SNAP25: variants seen among roughly 807,000 people sequenced by gnomAD.
SNAP25 encodes synaptosome associated protein 25.
In SNAP25, 3 loss-of-function variants were observed where a neutral mutation model predicts 28.7. The observed-to-expected ratio is 0.10, with a 90% CI of 0.05 to 0.27. The LOEUF (loss-of-function observed/expected upper bound fraction) is 0.27, where lower values mean the gene tolerates loss of function less well. Ranked by LOEUF, SNAP25 falls within the 10% of genes least tolerant of loss-of-function variation. The pLI is 1.00. For synonymous variants in SNAP25, 61 were observed against 88.1 expected (o/e 0.69, Z 1.72); for missense variants, 117 against 278.7 (o/e 0.42, Z 4.13).
At chr20:10,285,686 G>C (rs143670687) in intron 4 of SNAP25, among the ~76,000 whole-genome samples, 36 of 151,776 alleles carry the variant, frequency 2.4e-4, no homozygotes, top group Admixed American at 2.3e-3. Context: ...CTCAAGCTGT[G>C]GGGGGGAACG....
At chr20:10,264,110 T>A (rs897216920) in intron 1 of SNAP25, among the ~76,000 whole-genome samples, 3 of 152,180 alleles carry the variant, frequency 2.0e-5, no homozygotes, top group Non-Finnish European at 4.4e-5. Flanking sequence ...GATGCCCTGT[T>A]ACAATTAAGA....
chr20:10,243,820 G>A (rs1440232407), intron 1 of SNAP25, among the ~76,000 whole-genome samples: 1 of 152,134 alleles, frequency 6.6e-6, no homozygotes, highest in African/African-American at 2.4e-5. Context: ...TCTAATCTTT[G>A]ACTGAGTCTA....
At chr20:10,262,627 T>A (rs1381720289) in intron 1 of SNAP25, among the ~76,000 whole-genome samples, 2 of 152,028 alleles carry the variant, frequency 1.3e-5, no homozygotes, top group Non-Finnish European at 2.9e-5. Flanking sequence ...TTGTCTTCGG[T>A]TGGATTCCTC....
At chr20:10,221,688 C>T (rs1006019489) in intron 1 of SNAP25, among the ~76,000 whole-genome samples, 3 of 152,210 alleles carry the variant, frequency 2.0e-5, no homozygotes, top group Admixed American at 6.5e-5. Context: ...CACGCACAAC[C>T]ACACATGCAC....
At chr20:10,227,360 C>G (rs1352987756) in intron 1 of SNAP25, among the ~76,000 whole-genome samples, 2 of 152,062 alleles carry the variant, frequency 1.3e-5, no homozygotes, top group African/African-American at 4.8e-5. Flanking sequence ...ACAGTGCCTG[C>G]CACACCCATG....
At position 10,306,855 on chromosome 20, in the gene SNAP25, G is replaced by T; in HGVS notation, c.*658G>T. ...CAACAACAGAACAACAACAAAGCAT[G>T]CTCAGTATTGAGACACTGTCAAGAT... is the stretch of plus-strand genomic sequence containing the variant. On this transcript the variant is annotated 3_prime_UTR_variant, in exon 8 of 8. Coordinates refer to ENST00000254976, the MANE Select transcript of SNAP25 (RefSeq NM_130811.4). The T allele has an allele frequency of 6.5e-6, 1 of 154,566 alleles. No homozygotes were observed. Among genetic ancestry groups the T allele is most frequent in the South Asian group, 2.0e-4 (1 of 4,904 alleles). The allele number at this position is 154,566 out of a possible 1,614,324, so 9.6% of individuals were successfully genotyped here. A position where few individuals can be genotyped will look rare whatever the true frequency, so the allele number is the denominator to read the frequency against.
chr20:10,277,603 GT>G (rs2063712558), intron 2 of SNAP25, 81 bp from the exon 3 acceptor site: 1 of 1,207,112 alleles, frequency 8.3e-7, no homozygotes, highest in Non-Finnish European at 1.2e-6. Flanking sequence ...TGTTTCTCAA[GT>G]AAATAAAGTA....
At chr20:10,297,951 A>C (rs910993008) in intron 6 of SNAP25, among the ~76,000 whole-genome samples, 1 of 152,134 alleles carries the variant, frequency 6.6e-6, no homozygotes. Context: ...TCTATTTTTA[A>C]AAGTTCAAAT....
intron 1 of SNAP25, among the ~76,000 whole-genome samples, chr20:10,270,623 CA>C (rs2063577362): frequency 6.6e-6 from 1 of 151,816 alleles, no homozygotes; most frequent in African/African-American, 2.4e-5. Context: ...TTACTTGAAC[CA>C]GGAGGCAGAG....
At chr20:10,223,477 C>G (rs899343637) in intron 1 of SNAP25, among the ~76,000 whole-genome samples, 1 of 152,076 alleles carries the variant, frequency 6.6e-6, no homozygotes, top group African/African-American at 2.4e-5. Context: ...AGTAGAGACA[C>G]CACAGGATAA....
At chr20:10,224,387 G>A (rs1178931473) in intron 1 of SNAP25, among the ~76,000 whole-genome samples, 2 of 141,810 alleles carry the variant, frequency 1.4e-5, no homozygotes, top group African/African-American at 5.2e-5. Context: ...ACAACTGCTT[G>A]TAATTTCCTG....
chr20:10,227,070 C>G (rs2122636517), intron 1 of SNAP25, among the ~76,000 whole-genome samples: 1 of 152,212 alleles, frequency 6.6e-6, no homozygotes, highest in Non-Finnish European at 1.5e-5. Context: ...ATCCACTTTC[C>G]TCCTCTGAAA....
intron 7 of SNAP25, among the ~76,000 whole-genome samples, chr20:10,302,500 C>T (rs1414873896): frequency 6.6e-6 from 1 of 152,092 alleles, no homozygotes; most frequent in Non-Finnish European, 1.5e-5. Context: ...CTAAAAGTCA[C>T]CTGGCATGGT....
At chr20:10,225,066 T>C (rs898349102) in intron 1 of SNAP25, among the ~76,000 whole-genome samples, 3 of 151,932 alleles carry the variant, frequency 2.0e-5, no homozygotes, top group African/African-American at 7.2e-5. Flanking sequence ...ACTAATCACA[T>C]TGGGAGGATG....
chr20:10,266,859 T>C (rs2063515445), intron 1 of SNAP25, among the ~76,000 whole-genome samples: 1 of 152,210 alleles, frequency 6.6e-6, no homozygotes, highest in Non-Finnish European at 1.5e-5. Context: ...ATAGGTCAAA[T>C]TGACTAGGGA....
chr20:10,244,549 A>G (rs1463815624), intron 1 of SNAP25, among the ~76,000 whole-genome samples: 2 of 152,160 alleles, frequency 1.3e-5, no homozygotes, highest in African/African-American at 2.4e-5. Flanking sequence ...CAGAGCCAAG[A>G]TTTGAATGTA....
At chr20:10,228,123 CT>C (rs974107920) in intron 1 of SNAP25, among the ~76,000 whole-genome samples, 4 of 152,042 alleles carry the variant, frequency 2.6e-5, no homozygotes, top group Non-Finnish European at 5.9e-5. Context: ...TTTTGCATAT[CT>C]TTTTTCCCCA....
intron 7 of SNAP25, among the ~76,000 whole-genome samples, chr20:10,302,225 C>CCAT (rs1371825648): frequency 6.6e-6 from 1 of 152,026 alleles, no homozygotes; most frequent in Non-Finnish European, 1.5e-5. Context: ...GAGCAAGATC[C>CCAT]CATCTCTAAT....
chr20:10,244,879 C>T (rs944973732), intron 1 of SNAP25, among the ~76,000 whole-genome samples: 5 of 151,854 alleles, frequency 3.3e-5, no homozygotes, highest in East Asian at 1.9e-4. Flanking sequence ...TACAGGCACG[C>T]GCCACCAAGC....
Sources: gnomAD v4.1 joint callset for allele counts (sites outside exome capture counted in the v4.1 genomes callset) on GRCh38, gnomAD v4.1.1 for gene constraint, MANE v1.5 for transcripts, NCBI Gene and HGNC (gene_info 2026-07-23, HGNC 2026-07-21) for gene names.